The following IGSF10 variants were observed in gnomAD, a reference collection of about 807,000 sequenced individuals.
IGSF10 encodes the protein calvaria mechanical force protein 608.
In IGSF10, 126 loss-of-function variants were observed where a neutral mutation model predicts 128.2. That is an observed-to-expected ratio of 0.98 (90% CI 0.85 to 1.14). IGSF10 has a LOEUF of 1.14. IGSF10 is among the 50% of genes most tolerant of loss of function. IGSF10 has a pLI of 0.00. For synonymous variants in IGSF10, 1,185 were observed against 1,146.2 expected, an observed-to-expected ratio of 1.03 and a Z score of -0.68; for missense variants, 3,295 against 3,149.8, an observed-to-expected ratio of 1.05 and a Z score of -1.10.
the IGSF10 span, among the ~76,000 whole-genome samples, chr3:151,521,790 C>T: frequency 6.6e-6 from 1 of 151,816 alleles, no homozygotes; most frequent in East Asian, 1.9e-4. Context: ...TCTAATATCA[C>T]AAGTGAAAGA....
chr3:151,432,566 G>A, downstream of IGSF10: 1 of 495,544 alleles, frequency 2.0e-6, no homozygotes, highest in East Asian at 3.1e-5. Context: ...GTGAATAAAG[G>A]TGTCCCCTCT....
the IGSF10 span, among the ~76,000 whole-genome samples, chr3:151,509,057 A>G: frequency 6.6e-6 from 1 of 152,198 alleles, no homozygotes; most frequent in African/African-American, 2.4e-5. Context: ...ATCCTAGAAT[A>G]AGGTATCTTT....
the IGSF10 span, among the ~76,000 whole-genome samples, chr3:151,619,905 C>T: frequency 2.6e-5 from 4 of 152,162 alleles, no homozygotes; most frequent in Non-Finnish European, 5.9e-5. Flanking sequence ...AGTTCCCTCA[C>T]CATGGGATGC....
the IGSF10 span, among the ~76,000 whole-genome samples, chr3:151,603,083 C>A: frequency 6.6e-6 from 1 of 152,206 alleles, no homozygotes; most frequent in African/African-American, 2.4e-5. Flanking sequence ...CTGGTTCTTG[C>A]TCTTATTGTA....
At position 151,446,419 on chromosome 3, in the gene IGSF10, G is replaced by A. The variant is rs888320614; in HGVS notation, c.3562C>T (p.Pro1188Ser). 9 of 1,613,974 alleles carry A rather than the reference G, an allele frequency of 5.6e-6. No homozygotes were observed. The highest frequency in any genetic ancestry group is 2.2e-5 in the East Asian group (1 of 44,880). The change falls in exon 6 of 8, where the codon CCA becomes TCA. Residue 1188 changes from proline to serine, a missense_variant. By Grantham distance (74) the Pro-to-Ser change is moderately conservative. Coordinates refer to ENST00000282466, the MANE Select transcript of IGSF10 (RefSeq NM_178822.5). ...GTAATGGCTATAATAGTCATTGGTG[G>A]CTTGGTGATAGCACCTGAAAGTGAC... ...TSSLSGAITK[P>S]PMTIIAITRF...
Position 151,437,315 on chromosome 3 carries a change from T to C in IGSF10, c.7246A>G (p.Lys2416Glu). Reference protein sequence around the residue: ...AGKYRCAARNKVGYIEKLVIL... With the variant: ...AGKYRCAARNEVGYIEKLVIL... ...ACTAATTTCTCAATATAGCCAACTTTATTCCTAGCTGCACAGCGATATTTT... is the reference window on the plus strand; with the variant it reads ...ACTAATTTCTCAATATAGCCAACTTCATTCCTAGCTGCACAGCGATATTTT... Residue 2416 changes from lysine (K) to glutamate (E), a missense_variant, in exon 8 of 8, where the codon AAA (lysine) becomes GAA (glutamate). Transcript: ENST00000282466. 6.2e-7 allele frequency: 1 copy of C among 1,614,222 alleles called. No individual in the cohort carries two copies. Among genetic ancestry groups the C allele is most frequent in the Non-Finnish European group, 8.5e-7 (1 of 1,180,034 alleles).
Position 151,449,263 on chromosome 3 carries a change from C to T in IGSF10, c.718G>A (p.Val240Ile). The T allele has an allele frequency of 1.9e-6, 3 of 1,562,856 alleles. No homozygotes were observed. The highest frequency in any genetic ancestry group is 2.0e-5 in the Admixed American group (1 of 49,654). ...LSDWIQEKPD[V>I]IKCKKDRSPS... ...CTTCTATCTTTTTTGCATTTTATTA[C>T]ATCTGGAAAAAAATCACAATTGAAT... Residue 240 changes from valine to isoleucine, a missense_variant and splice_region_variant, in exon 6 of 8, where the codon GTA becomes ATA. Val to Ile is a conservative substitution (Grantham distance 29, BLOSUM62 3). Coordinates refer to ENST00000282466, the MANE Select transcript of IGSF10 (RefSeq NM_178822.5).
chr3:151,588,973 AAAGAAGAAGTATT>A, the IGSF10 span, among the ~76,000 whole-genome samples: 1 of 152,334 alleles, frequency 6.6e-6, no homozygotes, highest in Admixed American at 6.5e-5. Context: ...ATAGCAATAT[AAAGAAGAAGTATT>A]ATAGCAATAA....
Position 151,436,503 on chromosome 3 carries a change from C to A in IGSF10, c.*186G>T. 2.1e-6 allele frequency: 1 copy of A among 472,024 alleles called. No homozygotes were observed. Among genetic ancestry groups the A allele is most frequent in the Non-Finnish European group, 3.7e-6 (1 of 272,444 alleles). The allele number at this position is 472,024 out of a possible 1,614,324, so 29.2% of individuals were successfully genotyped here. On this transcript the variant is annotated 3_prime_UTR_variant, in exon 8 of 8. Transcript: ENST00000282466. ...TAAGTTAAAAGTTTGTTTTGAGATC[C>A]ATTAAATAAATCAGTATCATCAGTT...
At chr3:151,595,627 G>A in the IGSF10 span, among the ~76,000 whole-genome samples, 3 of 149,872 alleles carry the variant, frequency 2.0e-5, no homozygotes, top group African/African-American at 7.3e-5. Flanking sequence ...CCTGTCATTC[G>A]TGACAACATG....
the IGSF10 span, among the ~76,000 whole-genome samples, chr3:151,514,690 A>G: frequency 6.6e-6 from 1 of 152,108 alleles, no homozygotes; most frequent in Non-Finnish European, 1.5e-5. Context: ...AACTTACAAA[A>G]TGGGAGAAAA....
At chr3:151,553,753 T>C in the IGSF10 span, among the ~76,000 whole-genome samples, 1 of 151,590 alleles carries the variant, frequency 6.6e-6, no homozygotes, top group South Asian at 2.1e-4. Flanking sequence ...ATTCCTCAAG[T>C]TTTTCAAAAG....
intron 6 of IGSF10, among the ~76,000 whole-genome samples, chr3:151,444,132 C>G (rs1721042449): frequency 6.6e-6 from 1 of 151,794 alleles, no homozygotes; most frequent in Non-Finnish European, 1.5e-5. Flanking sequence ...AAAATATTAG[C>G]TAGGTATGGT....
chr3:151,453,252 C>A, intron 5 of IGSF10, 132 bp downstream of exon 5: 1 of 740,812 alleles, frequency 1.3e-6, no homozygotes, highest in Non-Finnish European at 2.1e-6. Context: ...GTAAATAATT[C>A]ATTATTCTTG....
chr3:151,462,933 T>A (rs1722118900), upstream of IGSF10, among the ~76,000 whole-genome samples: 1 of 152,230 alleles, frequency 6.6e-6, no homozygotes, highest in South Asian at 2.1e-4. Context: ...CCACAGTTTA[T>A]CTTTCTCCCA....
At chr3:151,608,962 A>C in the IGSF10 span, among the ~76,000 whole-genome samples, 3 of 152,242 alleles carry the variant, frequency 2.0e-5, no homozygotes, top group Admixed American at 2.0e-4. Context: ...CTGATGCCAG[A>C]GTCCTAGTCT....
At chr3:151,482,898 T>C in the IGSF10 span, among the ~76,000 whole-genome samples, 122,469 of 150,692 alleles carry the variant, frequency 0.81, 49,557 homozygotes, top group Middle Eastern at 0.92. Flanking sequence ...ACAGTCTAAG[T>C]GTTTTTTTGT....
chr3:151,580,969 T>G, the IGSF10 span, among the ~76,000 whole-genome samples: 807 of 151,906 alleles, frequency 5.3e-3, 8 homozygotes, highest in African/African-American at 0.018. Context: ...TTTTTTTAAA[T>G]AGAGAGAGAG....
upstream of IGSF10, among the ~76,000 whole-genome samples, chr3:151,463,985 T>G (rs149232202): frequency 5.3e-5 from 8 of 152,328 alleles, no homozygotes; most frequent in East Asian, 1.5e-3. Flanking sequence ...ACAAATCACT[T>G]TCACCTTTGA....
Sources: gnomAD v4.1 joint callset for allele counts (sites outside exome capture counted in the v4.1 genomes callset) on GRCh38, gnomAD v4.1.1 for gene constraint, MANE v1.5 for transcripts, NCBI Gene and HGNC (gene_info 2026-07-23, HGNC 2026-07-21) for gene names.